Variants in DONSON observed in about 807,000 individuals in gnomAD.
DONSON encodes the protein DNA replication fork stabilization factor DONSON.
In DONSON, 43 loss-of-function variants were observed where a neutral mutation model predicts 62.1. That is an observed-to-expected ratio of 0.69 (90% CI 0.54 to 0.89). The LOEUF (loss-of-function observed/expected upper bound fraction) is 0.89, where lower values mean the gene tolerates loss of function less well. Ranked by LOEUF, DONSON falls within the 40% of genes least tolerant of loss-of-function variation. The pLI is 0.00. For missense variants in DONSON, 696 were observed against 697.5 expected (o/e 1.00, Z 0.03); for synonymous variants, 266 against 264.6 (o/e 1.01, Z -0.05).
At position 33,579,345 on chromosome 21, in the gene DONSON, C is replaced by T. The variant is rs759145500; in HGVS notation, c.1563+5G>A. The T allele has an allele frequency of 1.3e-6, 2 of 1,587,932 alleles. No individual in the cohort carries two copies. The highest frequency in any genetic ancestry group is 1.7e-6 in the Non-Finnish European group (2 of 1,163,252). On this transcript the variant is annotated splice_donor_5th_base_variant and intron_variant, in intron 9 of 9. Transcript: ENST00000303071. ...AAAACAGTCTGCTCATAGGTGTCTA[C>T]TTACCATATCAAGTACTTTGTCCAT...
In DONSON at chr21:33,587,573, C is replaced by T. The variant is rs1335531307; in HGVS notation, c.351G>A (p.Leu117=). The change falls in exon 2 of 10, where the codon TTG becomes TTA. Residue 117 remains leucine, a synonymous_variant. Transcript: ENST00000303071. ...PFLDSNQEND[L]LWEEKFPERT... ...TTTCAGGAAACTTCTCTTCCCATAG[C>T]AAATCATTTTCTTGATTAGAATCTA... 3 of 1,597,196 alleles carry T rather than the reference C, an allele frequency of 1.9e-6. 1 individual carries two copies. The highest frequency in any genetic ancestry group is 2.3e-5 in the South Asian group (2 of 87,432).
chr21:33,579,101 T>G (rs1349125463), intron 9 of DONSON, among the ~76,000 whole-genome samples: 1 of 150,368 alleles, frequency 6.7e-6, no homozygotes, highest in Non-Finnish European at 1.5e-5. Flanking sequence ...CTCGCGCCGC[T>G]GCACTCCAGC....
chr21:33,583,213 A>AAAAAAAAAAAAAAC, intron 5 of DONSON, among the ~76,000 whole-genome samples: 1 of 144,786 alleles, frequency 6.9e-6, no homozygotes, highest in Non-Finnish European at 1.5e-5. Context: ...AAAAAAAAAA[A>AAAAAAAAAAAAAAC]AAAAAAAAAA....
At chr21:33,582,318 GT>G (rs2086522227) in intron 5 of DONSON, 72 bp from the exon 6 acceptor site, 3 of 1,272,628 alleles carry the variant, frequency 2.4e-6, no homozygotes, top group African/African-American at 3.0e-5. Context: ...CTTTTAGAGT[GT>G]AAAAAATTTG....
At position 33,582,857 on chromosome 21, in the gene DONSON, C is replaced by T. The variant is rs575905416; in HGVS notation, c.965-611G>A. The stretch of plus-strand genomic sequence containing the variant: ...ATTAGATTCTCACAGGGGCACGAAT[C>T]CTACTGTGAACTGTGCATGTGAGGC... On this transcript the variant is annotated intron_variant, in intron 5 of 9. Coordinates refer to ENST00000303071, the MANE Select transcript of DONSON (RefSeq NM_017613.4). Among the ~76,000 whole-genome samples the T allele has an allele frequency of 3.9e-5, 6 of 152,214 alleles. No individual in the cohort carries two copies. The East Asian group carries it at 1.2e-3, about 30-fold the overall frequency.
chr21:33,584,341 C>T (rs996701096), intron 4 of DONSON, among the ~76,000 whole-genome samples: 1 of 151,672 alleles, frequency 6.6e-6, no homozygotes, highest in East Asian at 1.9e-4. Context: ...CCACCACACC[C>T]GGCCTGCCTG....
At position 33,578,194 on chromosome 21, in the gene DONSON, G is replaced by C; in HGVS notation, c.*113C>G. The C allele has an allele frequency of 1.7e-6, 2 of 1,197,144 alleles. No individual in the cohort carries two copies. Among genetic ancestry groups the C allele is most frequent in the South Asian group, 1.6e-5 (1 of 61,512 alleles). 74.2% of individuals were successfully genotyped at this position (1,197,144 alleles called of 1,614,324 possible). A position where few individuals can be genotyped will look rare whatever the true frequency, so the allele number is the denominator to read the frequency against. ...ATTTAAAACCTTAGATGCTACTGTA[G>C]TAAAAGTTATGTTTATAAACATTTC... is the stretch of plus-strand genomic sequence containing the variant. On this transcript the variant is annotated 3_prime_UTR_variant, in exon 10 of 10. Coordinates refer to ENST00000303071, the MANE Select transcript of DONSON (RefSeq NM_017613.4).
chr21:33,583,338 G>A (rs928657895), intron 5 of DONSON, 150 bp downstream of exon 5: 1 of 634,608 alleles, frequency 1.6e-6, no homozygotes, highest in Admixed American at 3.4e-5. Flanking sequence ...ATAATTGTGG[G>A]GGAGGGAAAA....
At chr21:33,587,186 C>T (rs953013998) in intron 2 of DONSON, among the ~76,000 whole-genome samples, 3 of 152,036 alleles carry the variant, frequency 2.0e-5, no homozygotes, top group Non-Finnish European at 4.4e-5. Flanking sequence ...TGGAGGTGGG[C>T]CAGGAGGGCT....
rs2086609465 is a variant in DONSON, at chr21:33,588,540, G to C, written c.102C>G (p.Ser34=). 1 of 1,250,854 alleles carries C rather than the reference G, an allele frequency of 8.0e-7. No individual in the cohort carries two copies. Among genetic ancestry groups the C allele is most frequent in the South Asian group, 3.1e-5 (1 of 31,936 alleles). The allele number at this position is 1,250,854 out of a possible 1,614,324, so 77.5% of individuals were successfully genotyped here. The change falls in exon 1 of 10, where the codon TCC becomes TCG. Residue 34 remains serine (S), a synonymous_variant. Coordinates refer to ENST00000303071, the MANE Select transcript of DONSON (RefSeq NM_017613.4). ...CCGGCTCCGTCAGCTCACGGGGCGG[G>C]GAGGCGGCAGCTCCACGGCTCCGGG... The part of the protein sequence containing the change: ...KRARSRGAAA[S]PPRELTEPAA...
At chr21:33,585,769 T>C (rs1020694854) in intron 3 of DONSON, among the ~76,000 whole-genome samples, 1 of 151,402 alleles carries the variant, frequency 6.6e-6, no homozygotes, top group Admixed American at 6.6e-5. Flanking sequence ...AGTCTCTAAA[T>C]GTATGAGCAG....
At chr21:33,582,096 G>A in intron 6 of DONSON, 41 bp from the exon 7 acceptor site, 1 of 1,611,572 alleles carries the variant, frequency 6.2e-7, no homozygotes, top group African/African-American at 1.3e-5. Flanking sequence ...TTCACAAGCT[G>A]TTCCTGTGCA....
chr21:33,588,488 C>G lies in DONSON; in HGVS notation c.154G>C (p.Gly52Arg). 1 of 1,264,172 alleles carries G rather than the reference C, an allele frequency of 7.9e-7. No homozygotes were observed. 78.3% of individuals were successfully genotyped at this position (1,264,172 alleles called of 1,614,324 possible). A position where few individuals can be genotyped will look rare whatever the true frequency, so the allele number is the denominator to read the frequency against. The change falls in exon 1 of 10, where the codon GGG (glycine) becomes CGG (arginine). Residue 52 changes from glycine (G) to arginine (R), a missense_variant. Gly to Arg is a moderately radical substitution (Grantham distance 125). Coordinates refer to ENST00000303071, the MANE Select transcript of DONSON (RefSeq NM_017613.4). ...PAARRAALVAGLPLRPFPAAG... is the reference protein window; with the variant it reads ...PAARRAALVARLPLRPFPAAG... ...GCAGGGAAAGGGCGAAGAGGCAGCC[C>G]CGCCACCAGGGCGGCTCGGCGGGCC...
chr21:33,582,356 T>C, intron 5 of DONSON, 110 bp from the exon 6 acceptor site: 1 of 822,616 alleles, frequency 1.2e-6, no homozygotes, highest in East Asian at 2.6e-5. Flanking sequence ...AAATGATCTA[T>C]TAAGGCAGTA....
chr21:33,577,656 C>CCCCTAT lies in DONSON; in HGVS notation c.*650_*651insATAGGG, dbSNP rs1569072959. 2.1e-5 allele frequency: 2 copies of CCCCTAT among 95,170 alleles called. No individual in the cohort carries two copies. Among genetic ancestry groups the CCCCTAT allele is most frequent in the Non-Finnish European group, 2.3e-5 (1 of 42,958 alleles). 5.9% of individuals were successfully genotyped at this position (95,170 alleles called of 1,614,324 possible). A position where few individuals can be genotyped will look rare whatever the true frequency, so the allele number is the denominator to read the frequency against. ...ACACACACACACACACACACACACA[C>CCCCTAT]ACACACACACACACACACACACACA... On this transcript the variant is annotated 3_prime_UTR_variant, in exon 10 of 10. Transcript: ENST00000303071.
rs755393775 is a variant in DONSON at position 33,587,476 on chromosome 21, A to G, written c.402+46T>C. On this transcript the variant is annotated intron_variant, in intron 2 of 9. Coordinates refer to ENST00000303071, the MANE Select transcript of DONSON (RefSeq NM_017613.4). ...AAATAGGCTCAAATCCTATGAAAAA[A>G]AAGTTTATACAAATACACATTCTAA... 146 of 1,521,738 alleles carry G rather than the reference A, an allele frequency of 9.6e-5. No homozygotes were observed. The Middle Eastern group carries it at 2.2e-3, about 23-fold the overall frequency. The allele number at this position is 1,521,738 out of a possible 1,614,324, so 94.3% of individuals were successfully genotyped here. A position where few individuals can be genotyped will look rare whatever the true frequency, so the allele number is the denominator to read the frequency against.
At chr21:33,585,153 C>G (rs989056183) in intron 3 of DONSON, among the ~76,000 whole-genome samples, 4 of 152,114 alleles carry the variant, frequency 2.6e-5, no homozygotes, top group Non-Finnish European at 4.4e-5. Context: ...TCATCCTAAT[C>G]TATTTATTGA....
At position 33,586,067 on chromosome 21, in the gene DONSON, A is replaced by G; in HGVS notation, c.517T>C (p.Trp173Arg). 6.2e-7 allele frequency: 1 copy of G among 1,614,222 alleles called. No individual in the cohort carries two copies. The highest frequency in any genetic ancestry group is 8.5e-7 in the Non-Finnish European group (1 of 1,180,040). Residue 173 changes from tryptophan (W) to arginine (R), a missense_variant, in exon 3 of 10, where the codon TGG (tryptophan) becomes CGG (arginine). Coordinates refer to ENST00000303071, the MANE Select transcript of DONSON (RefSeq NM_017613.4). ...TCCTGTGCTTTCAAATGATCTGCCC[A>G]GGTAAAGGGTTGAGAAGAGGTGAAA... ...LLFTSSQPFTWADHLKAQEEA... is the reference protein window; with the variant it reads ...LLFTSSQPFTRADHLKAQEEA...
At chr21:33,582,880 G>A (rs575190445) in intron 5 of DONSON, among the ~76,000 whole-genome samples, 1 of 152,210 alleles carries the variant, frequency 6.6e-6, no homozygotes, top group East Asian at 1.9e-4. Context: ...GTGCATGTGA[G>A]GCATCTAGGT....
Sources: allele counts gnomAD v4.1 joint callset (sites outside exome capture counted in the v4.1 genomes callset), GRCh38; gene constraint gnomAD v4.1.1; transcripts MANE v1.5; gene names NCBI Gene and HGNC (gene_info 2026-07-23, HGNC 2026-07-21).